Variants in ASAP2 observed in about 807,000 individuals in gnomAD.
ASAP2 encodes arf-GAP with SH3 domain, ANK repeat and PH domain-containing protein 2.
In ASAP2, 45 loss-of-function variants were observed where a neutral mutation model predicts 131.4. The ratio of observed to expected loss-of-function variants is 0.34; its 90% CI spans 0.27 to 0.44. The LOEUF (loss-of-function observed/expected upper bound fraction) is 0.44, where lower values mean the gene tolerates loss of function less well. Among genes scored for constraint, ASAP2 ranks in the 20% least tolerant of loss-of-function variants. The pLI is 1.00. For missense variants in ASAP2, 1,011 were observed against 1,297.0 expected, an observed-to-expected ratio of 0.78 and a Z score of 3.39; for synonymous variants, 510 against 503.0, an observed-to-expected ratio of 1.01 and a Z score of -0.19.
Position 9,297,389 on chromosome 2 carries a change from G to A in ASAP2, c.289G>A (p.Ala97Thr). 1 of 1,614,196 alleles carries A rather than the reference G, an allele frequency of 6.2e-7. No homozygotes were observed. Among genetic ancestry groups the A allele is most frequent in the Non-Finnish European group, 8.5e-7 (1 of 1,180,030 alleles). The change falls in exon 3 of 28, where the codon GCG becomes ACG. Residue 97 changes from alanine to threonine, a missense_variant. Ala to Thr is a moderately conservative substitution (Grantham distance 58, BLOSUM62 0). Coordinates refer to ENST00000281419, the MANE Select transcript of ASAP2 (RefSeq NM_003887.3). ...CAGAGATGACCCAGATTTAGGAAGTGCGTTCCTGAAGTTCTCAGTGTTTAC... is the reference window on the plus strand; with the variant it reads ...CAGAGATGACCCAGATTTAGGAAGTACGTTCCTGAAGTTCTCAGTGTTTAC... ...VCRDDPDLGS[A>T]FLKFSVFTKE...
Position 9,207,662 on chromosome 2 carries a change from C to T in ASAP2, c.126+432C>T, listed in dbSNP as rs1243489109. ...CCGCGCTCCGAGCTCCCCGCCGCAG[C>T]CCCCGAGCGCCGCAGGGCCCCCACC... On this transcript the variant is annotated intron_variant, in intron 1 of 27. Coordinates refer to ENST00000281419, the MANE Select transcript of ASAP2 (RefSeq NM_003887.3). This position sits in a 1 kb window ranked among gnomAD's most constrained non-coding sequence, Gnocchi z 4.1. Among the ~76,000 whole-genome samples the T allele has an allele frequency of 1.3e-5, 2 of 152,094 alleles. No individual in the cohort carries two copies. The highest frequency in any genetic ancestry group is 1.9e-4 in the East Asian group (1 of 5,160).
chr2:9,336,841 C>T (rs371443794), intron 9 of ASAP2, among the ~76,000 whole-genome samples: 13 of 152,188 alleles, frequency 8.5e-5, no homozygotes, highest in African/African-American at 2.4e-4. Flanking sequence ...TGCTCCCCAG[C>T]GCACCGTTGG....
rs1373447556 is a variant in ASAP2 at position 9,311,146 on chromosome 2, CT to C, written c.346-7375del. 6.6e-6 allele frequency among the ~76,000 whole-genome samples: 1 copy of C among 152,022 alleles called. No homozygotes were observed. The highest frequency in any genetic ancestry group is 1.5e-5 in the Non-Finnish European group (1 of 68,024). On this transcript the variant is annotated intron_variant, in intron 3 of 27. Transcript: ENST00000281419. This position sits in a 1 kb window ranked among gnomAD's most constrained non-coding sequence, Gnocchi z 5.2. ...GTGGCTCATGCCTATAGTCCCAGCA[CT>C]TTGGGAGGCTGAGGTGGGTAGGTTG... is the stretch of plus-strand genomic sequence containing the variant.
chr2:9,323,275 C>G lies in ASAP2; in HGVS notation c.600+25C>G, dbSNP rs200696845. On this transcript the variant is annotated intron_variant, in intron 6 of 27. Transcript: ENST00000281419. Reference sequence around the variant, plus strand: ...GGTAAGGCGGTGGTGAAGGCAGGTCCTACAGCCCAGGCTGTGCCGGCTCTG... The same window carrying G: ...GGTAAGGCGGTGGTGAAGGCAGGTCGTACAGCCCAGGCTGTGCCGGCTCTG... 1,444 of 1,613,578 alleles carry G rather than the reference C, an allele frequency of 8.9e-4. 14 individuals are homozygous for G. The African/African-American group carries it at 0.018, about 20-fold the overall frequency.
chr2:9,231,991 G>A (rs1663199213), intron 1 of ASAP2, among the ~76,000 whole-genome samples: 1 of 152,110 alleles, frequency 6.6e-6, no homozygotes, highest in African/African-American at 2.4e-5. Flanking sequence ...TCTTGATCTG[G>A]CCCCTTCTCT....
chr2:9,284,784 C>T (rs1382083302), intron 2 of ASAP2, among the ~76,000 whole-genome samples: 2 of 152,190 alleles, frequency 1.3e-5, no homozygotes, highest in Admixed American at 1.3e-4. Flanking sequence ...TATGTACTTA[C>T]ACTGCTTTCT....
At chr2:9,400,198 G>GCCCTCCTGC (rs1676507920) in intron 25 of ASAP2, 126 bp downstream of exon 25, 1 of 885,182 alleles carries the variant, frequency 1.1e-6, no homozygotes, top group African/African-American at 2.4e-5. Flanking sequence ...CAGCCCTCCT[G>GCCCTCCTGC]CCCCCTCCCC....
intron 9 of ASAP2, among the ~76,000 whole-genome samples, chr2:9,343,062 G>A (rs1359715336): frequency 2.0e-5 from 3 of 152,160 alleles, no homozygotes; most frequent in Non-Finnish European, 4.4e-5. Context: ...TCCAAGGATG[G>A]TGAGCTGCTC....
intron 27 of ASAP2, among the ~76,000 whole-genome samples, chr2:9,402,120 A>T (rs1676755298): frequency 6.6e-6 from 1 of 152,204 alleles, no homozygotes; most frequent in Admixed American, 6.5e-5. Context: ...TTCAGCTGGG[A>T]ACTCACAGGA....
At chr2:9,215,079 C>T (rs537711591) in intron 1 of ASAP2, among the ~76,000 whole-genome samples, 44 of 152,200 alleles carry the variant, frequency 2.9e-4, no homozygotes, top group Non-Finnish European at 5.9e-4. Flanking sequence ...AGATGGCATG[C>T]AGGCACCTAG....
intron 1 of ASAP2, among the ~76,000 whole-genome samples, chr2:9,218,621 G>C (rs1457073388): frequency 6.6e-6 from 1 of 152,168 alleles, no homozygotes; most frequent in Non-Finnish European, 1.5e-5. Flanking sequence ...CTGATAGCCT[G>C]AATCTGTTGT....
chr2:9,352,212 A>AACACAC (rs58275721), intron 12 of ASAP2, among the ~76,000 whole-genome samples: 1,754 of 150,058 alleles, frequency 0.012, 34 homozygotes, highest in African/African-American at 0.036. Flanking sequence ...AACACACACA[A>AACACAC]ACACACACAC....
intron 14 of ASAP2, among the ~76,000 whole-genome samples, chr2:9,358,320 G>A (rs1334032121): frequency 6.6e-6 from 1 of 152,230 alleles, no homozygotes; most frequent in Non-Finnish European, 1.5e-5. Context: ...GTTATTATCA[G>A]CATCTGTAGA....
chr2:9,277,796 A>G, intron 1 of ASAP2, among the ~76,000 whole-genome samples: 1 of 152,208 alleles, frequency 6.6e-6, no homozygotes, highest in East Asian at 1.9e-4. Context: ...TGACATGATT[A>G]TAACTTCTCT....
At chr2:9,391,035 C>T (rs760597223) in intron 22 of ASAP2, 27 bp from the exon 23 acceptor site, 8 of 1,614,028 alleles carry the variant, frequency 5.0e-6, no homozygotes, top group Middle Eastern at 3.3e-4. Context: ...TGCGTGCATG[C>T]GTCTGTGTGC....
chr2:9,306,931 A>G (rs1668981352), intron 3 of ASAP2, among the ~76,000 whole-genome samples: 1 of 152,090 alleles, frequency 6.6e-6, no homozygotes, highest in South Asian at 2.1e-4. Flanking sequence ...GGGGCTTCTT[A>G]GAATTCCAGC....
At chr2:9,378,579 C>T (rs1428237211) in intron 18 of ASAP2, among the ~76,000 whole-genome samples, 3 of 152,252 alleles carry the variant, frequency 2.0e-5, no homozygotes, top group African/African-American at 7.2e-5. Flanking sequence ...GCTGGCCGGC[C>T]TAGCACAGCA....
chr2:9,209,886 C>T (rs1357401751), intron 1 of ASAP2, among the ~76,000 whole-genome samples: 1 of 152,222 alleles, frequency 6.6e-6, no homozygotes, highest in East Asian at 1.9e-4. Context: ...TAATTTTAAA[C>T]TGATTAACCT....
intron 1 of ASAP2, among the ~76,000 whole-genome samples, chr2:9,254,525 GGATTTTTTTT>G (rs535083593): frequency 0.34 from 27,452 of 81,046 alleles, 4,422 homozygotes; most frequent in Middle Eastern, 0.4. Context: ...GCTAATTTTT[GGATTTTTTTT>G]TTTTTTTTTT....
Sources: allele counts gnomAD v4.1 joint callset (sites outside exome capture counted in the v4.1 genomes callset), GRCh38; gene constraint gnomAD v4.1.1; non-coding constraint Gnocchi (gnomAD v3.1); transcripts MANE v1.5; gene names NCBI Gene and HGNC (gene_info 2026-07-23, HGNC 2026-07-21).